FREM1: variants seen among roughly 807,000 people sequenced by gnomAD.
FREM1 encodes the protein FRAS1 related extracellular matrix 1.
Under a neutral mutation model 210.1 loss-of-function variants are expected in FREM1, and 220 were observed. The ratio of observed to expected loss-of-function variants is 1.05; its 90% CI spans 0.94 to 1.17. The LOEUF (loss-of-function observed/expected upper bound fraction) is 1.17, where lower values mean the gene tolerates loss of function less well. Ranked by LOEUF, FREM1 falls within the 50% of genes most tolerant of loss-of-function variation. FREM1 has a pLI of 0.00. For missense variants in FREM1, 3,454 were observed against 2,675.5 expected, an observed-to-expected ratio of 1.29 and a Z score of -6.42; for synonymous variants, 1,189 against 980.2, an observed-to-expected ratio of 1.21 and a Z score of -3.98.
chr9:14,783,847 T>C (rs937526314), intron 24 of FREM1, among the ~76,000 whole-genome samples: 1 of 152,236 alleles, frequency 6.6e-6, no homozygotes, highest in Non-Finnish European at 1.5e-5. Context: ...TATGACAACA[T>C]GATTTATGAT....
intron 3 of FREM1, among the ~76,000 whole-genome samples, chr9:14,860,373 A>T (rs2131581427): frequency 6.6e-6 from 1 of 151,980 alleles, no homozygotes; most frequent in South Asian, 2.1e-4. Context: ...GAAGACCAAG[A>T]GGGGAAGAAG....
chr9:14,869,122 C>T lies in FREM1; in HGVS notation c.-145G>A. ...AATGTGCCCCGAGATCTTAACATGCCCCTTTCATTTCAAAGTCAGACAAGG... is the reference window on the plus strand; with the variant it reads ...AATGTGCCCCGAGATCTTAACATGCTCCTTTCATTTCAAAGTCAGACAAGG... On this transcript the variant is annotated 5_prime_UTR_variant, in exon 2 of 37. Transcript: ENST00000380880. The T allele has an allele frequency of 1.8e-6, 1 of 565,744 alleles. No individual in the cohort carries two copies. The highest frequency in any genetic ancestry group is 2.9e-5 in the South Asian group (1 of 34,750). The allele number at this position is 565,744 out of a possible 1,614,324, so 35.0% of individuals were successfully genotyped here.
chr9:14,884,208 G>A (rs571260080), intron 1 of FREM1, among the ~76,000 whole-genome samples: 1 of 151,982 alleles, frequency 6.6e-6, no homozygotes, highest in East Asian at 1.9e-4. Context: ...CAGCCTGGGC[G>A]ACAGAGCGAG....
At position 14,824,862 on chromosome 9, in the gene FREM1, G is replaced by C. The variant is rs370117198; in HGVS notation, c.2012C>G (p.Ser671Ter). Residue 671 changes from serine to a stop codon, truncating the protein, a stop_gained, in exon 11 of 37, where the codon TCA becomes TGA. Coordinates refer to ENST00000380880, the MANE Select transcript of FREM1 (RefSeq NM_001379081.2). LOFTEE classifies it high-confidence loss of function. ...GACCAGCTCCCTGTCATATGATTCT[G>C]AATCTATAAAATGTAGCTGTTTCTT... Reference protein sequence around the residue: ...ITKKQLHFIDSESYDRELVYT... With the variant: ...ITKKQLHFID 4.3e-6 allele frequency: 7 copies of C among 1,613,286 alleles called. No homozygotes were observed. The African/African-American group carries it at 6.7e-5, about 15-fold the overall frequency.
At chr9:14,775,727 A>T in intron 25 of FREM1, 62 bp downstream of exon 25, 1 of 928,648 alleles carries the variant, frequency 1.1e-6, no homozygotes, top group South Asian at 1.8e-5. Context: ...AAAAAAAAAA[A>T]AAAATTCTCG....
intron 10 of FREM1, 131 bp downstream of exon 10, chr9:14,841,316 A>T: frequency 2.9e-6 from 2 of 692,264 alleles, no homozygotes; most frequent in Non-Finnish European, 4.5e-6. Flanking sequence ...AAATCTGCTT[A>T]ATTTTGTTTA....
chr9:14,853,893 T>C (rs575254155), intron 5 of FREM1, among the ~76,000 whole-genome samples: 5 of 152,326 alleles, frequency 3.3e-5, no homozygotes, highest in Non-Finnish European at 5.9e-5. Flanking sequence ...CTAAGACCAA[T>C]TGAGTCTAGA....
At chr9:14,753,369 T>A (rs1324451338) in intron 29 of FREM1, among the ~76,000 whole-genome samples, 2 of 152,254 alleles carry the variant, frequency 1.3e-5, no homozygotes, top group East Asian at 3.8e-4. Flanking sequence ...GGAATGATGA[T>A]CAATTAAGAA....
chr9:14,872,616 A>G (rs1049290216), intron 1 of FREM1, among the ~76,000 whole-genome samples: 1 of 151,926 alleles, frequency 6.6e-6, no homozygotes, highest in Non-Finnish European at 1.5e-5. Context: ...ATCTGCAAAC[A>G]GGGACAATTT....
At chr9:14,853,841 C>T (rs978994554) in intron 5 of FREM1, among the ~76,000 whole-genome samples, 1 of 152,146 alleles carries the variant, frequency 6.6e-6, no homozygotes, top group Non-Finnish European at 1.5e-5. Flanking sequence ...TTAGAAAACT[C>T]AAGAGGGGTA....
chr9:14,812,686 C>T, intron 16 of FREM1, 126 bp downstream of exon 16: 2 of 931,576 alleles, frequency 2.1e-6, no homozygotes, highest in African/African-American at 1.6e-5. Flanking sequence ...GGAGGCCAGG[C>T]TGCAGCTGCT....
chr9:14,904,580 TG>T (rs1451056109), intron 1 of FREM1, among the ~76,000 whole-genome samples: 1 of 151,896 alleles, frequency 6.6e-6, no homozygotes, highest in African/African-American at 2.4e-5. Flanking sequence ...TGAAGGGGAG[TG>T]ACTTGATGGT....
chr9:14,864,796 G>C (rs1229985946), intron 2 of FREM1, among the ~76,000 whole-genome samples: 1 of 152,142 alleles, frequency 6.6e-6, no homozygotes, highest in Non-Finnish European at 1.5e-5. Flanking sequence ...AACATTTTCA[G>C]ACAACATAAT....
At chr9:14,801,034 A>G (rs1359559748) in intron 20 of FREM1, among the ~76,000 whole-genome samples, 2 of 152,150 alleles carry the variant, frequency 1.3e-5, no homozygotes, top group African/African-American at 4.8e-5. Context: ...TCTGTCGCCC[A>G]GGCTGGAAGT....
At chr9:14,895,030 G>T (rs186393354) in intron 1 of FREM1, among the ~76,000 whole-genome samples, 4 of 152,186 alleles carry the variant, frequency 2.6e-5, no homozygotes, top group African/African-American at 9.6e-5. Context: ...GGTAAACAAA[G>T]AATGTCACTT....
At chr9:14,802,007 T>TA (rs757751000) in intron 19 of FREM1, 133 bp from the exon 20 acceptor site, 265 of 594,942 alleles carry the variant, frequency 4.5e-4, no homozygotes, top group Non-Finnish European at 6.4e-4. Context: ...GGATGAGTCC[T>TA]AAAAAGAAAT....
chr9:14,767,753 G>A (rs1478122911), intron 27 of FREM1, among the ~76,000 whole-genome samples: 1 of 152,052 alleles, frequency 6.6e-6, no homozygotes, highest in Non-Finnish European at 1.5e-5. Flanking sequence ...CAAAAATGAT[G>A]ATGATAAATG....
In FREM1 at chr9:14,812,933, C is replaced by T; in HGVS notation, c.2772G>A (p.Leu924=). 2 of 1,613,976 alleles carry T rather than the reference C, an allele frequency of 1.2e-6. No individual in the cohort carries two copies. Among genetic ancestry groups the T allele is most frequent in the South Asian group, 2.2e-5 (2 of 91,082 alleles). Residue 924 remains leucine, a synonymous_variant, in exon 16 of 37, where the codon TTG becomes TTA. Coordinates refer to ENST00000380880, the MANE Select transcript of FREM1 (RefSeq NM_001379081.2). The part of the protein sequence containing the change: ...IFATDVDSDN[L]KLMFVIAREP... ...CGCGAGCAATCACAAACATCAACTT[C>T]AAGTTATCGCTGTCCACATCAGTAG...
At chr9:14,860,887 A>G (rs1182232985) in intron 3 of FREM1, among the ~76,000 whole-genome samples, 1 of 111,334 alleles carries the variant, frequency 9.0e-6, no homozygotes. Context: ...ATATATACAC[A>G]TATATACATA....
Sources: allele counts gnomAD v4.1 joint callset (sites outside exome capture counted in the v4.1 genomes callset), GRCh38; gene constraint gnomAD v4.1.1; transcripts MANE v1.5; gene names NCBI Gene and HGNC (gene_info 2026-07-23, HGNC 2026-07-21).